The following NCMAP variants were observed in gnomAD, a reference collection of about 807,000 sequenced individuals.
NCMAP encodes the protein noncompact myelin-associated protein.
Under a neutral mutation model 7.8 loss-of-function variants are expected in NCMAP, and 8 were observed. The ratio of observed to expected loss-of-function variants is 1.02; its 90% CI spans 0.60 to 1.84. The LOEUF (loss-of-function observed/expected upper bound fraction) is 1.84. Ranked by LOEUF, NCMAP falls within the 40% of genes most tolerant of loss-of-function variation. The pLI is 0.00. For synonymous variants in NCMAP, 41 were observed against 52.9 expected, an observed-to-expected ratio of 0.78 and a Z score of 0.98; for missense variants, 112 against 131.4, an observed-to-expected ratio of 0.85 and a Z score of 0.72.
At position 24,576,038 on chromosome 1, in the gene NCMAP, C is replaced by T. The variant is rs535798564; in HGVS notation, c.-7-19386C>T. Among the ~76,000 whole-genome samples the T allele has an allele frequency of 3.2e-4, 48 of 152,176 alleles. 1 individual carries two copies. The South Asian group carries it at 9.8e-3, about 31-fold the overall frequency. On this transcript the variant is annotated intron_variant, in intron 1 of 3. Transcript: ENST00000374392. This position sits in a 1 kb window ranked among gnomAD's most constrained non-coding sequence, Gnocchi z 4.0. ...TCAGAACTAGCTCCCTCATCCTGAT[C>T]CTCTCTGCACAGCCGCATTGCCCCG...
chr1:24,558,101 G>A (rs1265221680), intron 1 of NCMAP, among the ~76,000 whole-genome samples: 2 of 152,210 alleles, frequency 1.3e-5, no homozygotes, highest in Non-Finnish European at 2.9e-5. Context: ...GGTTGACCAC[G>A]AATATGTGAG....
intron 1 of NCMAP, among the ~76,000 whole-genome samples, chr1:24,560,466 C>T (rs949863884): frequency 2.0e-5 from 3 of 152,308 alleles, no homozygotes; most frequent in African/African-American, 7.2e-5. Context: ...CTTAGTCTGT[C>T]GTGTAATAAA....
intron 1 of NCMAP, among the ~76,000 whole-genome samples, chr1:24,571,141 G>A (rs1005864151): frequency 3.3e-5 from 5 of 150,902 alleles, no homozygotes; most frequent in Middle Eastern, 3.4e-3. Context: ...TATAATGTGA[G>A]CCACATATGT....
chr1:24,567,301 C>G (rs903656175), intron 1 of NCMAP, among the ~76,000 whole-genome samples: 1 of 152,186 alleles, frequency 6.6e-6, no homozygotes, highest in Non-Finnish European at 1.5e-5. Context: ...GACCTCCCTA[C>G]TGATAACAAC....
intron 1 of NCMAP, among the ~76,000 whole-genome samples, chr1:24,583,249 G>C (rs1328422006): frequency 6.7e-6 from 1 of 150,204 alleles, no homozygotes; most frequent in Non-Finnish European, 1.5e-5. Context: ...TGAGCAGAGA[G>C]GCCAAGGATG....
chr1:24,559,137 T>C (rs1277457382), intron 1 of NCMAP, among the ~76,000 whole-genome samples: 1 of 152,222 alleles, frequency 6.6e-6, no homozygotes, highest in Non-Finnish European at 1.5e-5. Context: ...GATGTCCACT[T>C]TGCATGCTGC....
intron 1 of NCMAP, among the ~76,000 whole-genome samples, chr1:24,574,646 A>G (rs1010899873): frequency 1.6e-4 from 24 of 152,104 alleles, no homozygotes; most frequent in African/African-American, 5.6e-4. Flanking sequence ...ACCATGTCCC[A>G]GGACTCTGAG....
rs993595757 is a variant in NCMAP, at chr1:24,569,564, A to G, written c.-8+13395A>G. Among the ~76,000 whole-genome samples the G allele has an allele frequency of 8.8e-4, 133 of 150,662 alleles. 10 individuals are homozygous for G. The highest frequency in any genetic ancestry group is 3.3e-3 in the African/African-American group (131 of 39,968). ...GCGGCAGCAGTAAAGTGGAGTGGTC[A>G]AAAGCATGAACTGTGGTGTACTTGG... On this transcript the variant is annotated intron_variant, in intron 1 of 3. Transcript: ENST00000374392.
intron 3 of NCMAP, among the ~76,000 whole-genome samples, chr1:24,601,711 C>G (rs1652498749): frequency 6.6e-6 from 1 of 152,082 alleles, no homozygotes; most frequent in Non-Finnish European, 1.5e-5. Context: ...TTGAGTCCAG[C>G]CTGGGCAACA....
chr1:24,592,306 G>A (rs1007291444), intron 1 of NCMAP, among the ~76,000 whole-genome samples: 2 of 152,074 alleles, frequency 1.3e-5, no homozygotes, highest in South Asian at 2.1e-4. Flanking sequence ...ATAGTCTGTC[G>A]TGCTCACTAG....
chr1:24,572,340 T>C (rs369104724), intron 1 of NCMAP, among the ~76,000 whole-genome samples: 1 of 150,724 alleles, frequency 6.6e-6, no homozygotes, highest in East Asian at 1.9e-4. Flanking sequence ...AAGGTAAATG[T>C]CAGGTCTGAG....
intron 1 of NCMAP, among the ~76,000 whole-genome samples, chr1:24,594,227 G>C (rs72886119): frequency 0.41 from 62,579 of 151,974 alleles, 13,939 homozygotes; most frequent in East Asian, 0.63. Flanking sequence ...CTAGATTATG[G>C]TTCTTGGTGG....
At chr1:24,583,091 AG>A (rs1651787947) in intron 1 of NCMAP, among the ~76,000 whole-genome samples, 1 of 152,168 alleles carries the variant, frequency 6.6e-6, no homozygotes, top group Non-Finnish European at 1.5e-5. Flanking sequence ...CTTCTTGGAT[AG>A]GGAGAATAGG....
intron 3 of NCMAP, among the ~76,000 whole-genome samples, chr1:24,601,676 G>A (rs1012258422): frequency 1.3e-5 from 2 of 152,086 alleles, no homozygotes; most frequent in Non-Finnish European, 2.9e-5. Flanking sequence ...AGACTGAGGC[G>A]GGAGGATGGC....
At chr1:24,605,439 C>T (rs1652688886) in intron 3 of NCMAP, among the ~76,000 whole-genome samples, 167 bp from the exon 4 acceptor site, 1 of 152,160 alleles carries the variant, frequency 6.6e-6, no homozygotes, top group Non-Finnish European at 1.5e-5. Context: ...CTAGCTGATG[C>T]CTAAGGTCAC....
intron 1 of NCMAP, among the ~76,000 whole-genome samples, chr1:24,572,816 C>T (rs1219828533): frequency 1.3e-5 from 2 of 150,768 alleles, no homozygotes; most frequent in African/African-American, 2.5e-5. Context: ...CGTCAAGGAG[C>T]GGGCAGGATG....
chr1:24,572,310 CA>C (rs1651414065), intron 1 of NCMAP, among the ~76,000 whole-genome samples: 1 of 150,698 alleles, frequency 6.6e-6, no homozygotes, highest in African/African-American at 2.5e-5. Context: ...TCCGTATCCC[CA>C]AGAAGGACTC....
chr1:24,584,974 C>G (rs957435642), intron 1 of NCMAP, among the ~76,000 whole-genome samples: 81 of 18,526 alleles, frequency 4.4e-3, no homozygotes, highest in African/African-American at 0.017. Flanking sequence ...AGTGGGTGGG[C>G]GGGTGGGTGG....
chr1:24,571,400 A>C (rs1243223980), intron 1 of NCMAP, among the ~76,000 whole-genome samples: 1 of 148,410 alleles, frequency 6.7e-6, no homozygotes, highest in Non-Finnish European at 1.5e-5. Flanking sequence ...ACTTGAACTC[A>C]GGAGGCAGAG....
Sources: allele counts gnomAD v4.1 joint callset (sites outside exome capture counted in the v4.1 genomes callset), GRCh38; gene constraint gnomAD v4.1.1; non-coding constraint Gnocchi (gnomAD v3.1); transcripts MANE v1.5; gene names NCBI Gene and HGNC (gene_info 2026-07-23, HGNC 2026-07-21).